F3: variants seen among roughly 807,000 people sequenced by gnomAD.
The protein encoded by F3 is coagulation factor III, tissue factor, also known as tissue factor.
Under a neutral mutation model 33.5 loss-of-function variants are expected in F3, and 18 were observed. The observed-to-expected ratio is 0.54, with a 90% CI of 0.37 to 0.80. The LOEUF (loss-of-function observed/expected upper bound fraction) is 0.80, where lower values mean the gene tolerates loss of function less well. Ranked by LOEUF, F3 falls within the 30% of genes least tolerant of loss-of-function variation. The pLI, the probability that F3 is intolerant of heterozygous loss-of-function variation, is 0.00. For synonymous variants in F3, 147 were observed against 140.7 expected (o/e 1.05, Z -0.32); for missense variants, 353 against 362.1 (o/e 0.97, Z 0.20).
chr1:94,532,177 A>G, intron 5 of F3, 144 bp downstream of exon 5: 6 of 843,440 alleles, frequency 7.1e-6, no homozygotes, highest in Non-Finnish European at 1.1e-5. Context: ...AAACAAACAA[A>G]TAACAACAAA....
intron 3 of F3, among the ~76,000 whole-genome samples, chr1:94,535,183 C>T (rs1363207373): frequency 6.6e-6 from 1 of 152,192 alleles, no homozygotes; most frequent in Admixed American, 6.5e-5. Flanking sequence ...TCACACAACA[C>T]CTTCATTCTA....
chr1:94,541,655 A>G lies in F3; in HGVS notation c.-19T>C. On this transcript the variant is annotated 5_prime_UTR_variant, in exon 1 of 6. Transcript: ENST00000334047. ...TCTCCATGTCTACCAGTTGGCGGCG[A>G]GATCGAGCGGGTTCCGTGGCGCCCG... is the stretch of plus-strand genomic sequence containing the variant. 7.2e-7 allele frequency: 1 copy of G among 1,385,446 alleles called. No homozygotes were observed. 85.8% of individuals were successfully genotyped at this position (1,385,446 alleles called of 1,614,324 possible).
At chr1:94,533,658 C>T (rs1651501147) in intron 3 of F3, among the ~76,000 whole-genome samples, 1 of 152,098 alleles carries the variant, frequency 6.6e-6, no homozygotes, top group Admixed American at 6.5e-5. Context: ...ACCAAGTGTG[C>T]CGCCTCCTAC....
Position 94,529,522 on chromosome 1 carries a change from T to C in F3, c.*938A>G, listed in dbSNP as rs1651350291. ...TATAGTAGTCTTATAAAAATATAGT[T>C]AGCTCTCAAATGTTTAATGCCACTT... is the stretch of plus-strand genomic sequence containing the variant. On this transcript the variant is annotated 3_prime_UTR_variant, in exon 6 of 6. Transcript: ENST00000334047. 1 of 152,566 alleles carries C rather than the reference T, an allele frequency of 6.6e-6. No homozygotes were observed. The highest frequency in any genetic ancestry group is 6.6e-5 in the Admixed American group (1 of 15,264). 9.5% of individuals were successfully genotyped at this position (152,566 alleles called of 1,614,324 possible).
chr1:94,532,970 A>G, intron 4 of F3, 120 bp downstream of exon 4: 1 of 1,014,244 alleles, frequency 9.9e-7, no homozygotes, highest in Non-Finnish European at 1.4e-6. Context: ...TCCCCCTTCT[A>G]CTCCATCACC....
chr1:94,531,119 G>A (rs981821296), intron 5 of F3, among the ~76,000 whole-genome samples: 9 of 152,144 alleles, frequency 5.9e-5, no homozygotes, highest in African/African-American at 2.2e-4. Context: ...ATTAGAGCTA[G>A]GCTTTAGGAC....
In F3 at chr1:94,541,676, G is replaced by A. The variant is rs773814862; in HGVS notation, c.-40C>T. ...GGCGAGATCGAGCGGGTTCCGTGGC[G>A]CCCGTGGGGCTGGGGAGGTTGGGCT... On this transcript the variant is annotated 5_prime_UTR_variant, in exon 1 of 6. Transcript: ENST00000334047. 1.2e-5 allele frequency: 16 copies of A among 1,314,834 alleles called. No homozygotes were observed. Among genetic ancestry groups the A allele is most frequent in the Non-Finnish European group, 1.6e-5 (16 of 1,007,708 alleles). 81.4% of individuals were successfully genotyped at this position (1,314,834 alleles called of 1,614,324 possible).
chr1:94,532,875 G>A (rs1651471150), intron 4 of F3: 3 of 581,530 alleles, frequency 5.2e-6, no homozygotes, highest in East Asian at 3.1e-5. Context: ...CTGGGTCTCC[G>A]AGGGGGCCCT....
intron 3 of F3, among the ~76,000 whole-genome samples, chr1:94,534,537 G>C (rs1030794283): frequency 2.6e-5 from 4 of 152,176 alleles, no homozygotes; most frequent in Admixed American, 6.5e-5. Flanking sequence ...CATATTTCAA[G>C]TGGTCAACAG....
chr1:94,541,687 T>C lies in F3; in HGVS notation c.-51A>G, dbSNP rs760014289. On this transcript the variant is annotated 5_prime_UTR_variant, in exon 1 of 6. Transcript: ENST00000334047. ...GCGGGTTCCGTGGCGCCCGTGGGGC[T>C]GGGGAGGTTGGGCTGAAGGCGCCCT... The C allele has an allele frequency of 3.2e-6, 4 of 1,252,650 alleles. No individual in the cohort carries two copies. In the Admixed American group the frequency reaches 1.5e-4, roughly 48 times the overall value. The allele number at this position is 1,252,650 out of a possible 1,614,324, so 77.6% of individuals were successfully genotyped here.
At chr1:94,533,291 G>A (rs1271860843) in intron 3 of F3, 23 bp from the exon 4 acceptor site, 1 of 1,596,430 alleles carries the variant, frequency 6.3e-7, no homozygotes, top group African/African-American at 1.4e-5. Flanking sequence ...AAATGAGCTT[G>A]GTTGGAACCA....
chr1:94,533,417 T>C lies in F3; in HGVS notation c.413-149A>G, dbSNP rs1651494698. On this transcript the variant is annotated intron_variant, in intron 3 of 5. Coordinates refer to ENST00000334047, the MANE Select transcript of F3 (RefSeq NM_001993.5). ...CCTGAAAGAAGCAGGCGTGGCGGCC[T>C]GGAGCTGAATCCTAAGACATTCTGT... 3.4e-6 allele frequency: 3 copies of C among 875,498 alleles called. No individual in the cohort carries two copies. The South Asian group carries it at 5.2e-5, about 15-fold the overall frequency. The allele number at this position is 875,498 out of a possible 1,614,324, so 54.2% of individuals were successfully genotyped here.
In F3 at chr1:94,541,670, C is replaced by T; in HGVS notation, c.-34G>A. The T allele has an allele frequency of 7.5e-7, 1 of 1,330,518 alleles. No homozygotes were observed. Among genetic ancestry groups the T allele is most frequent in the East Asian group, 2.9e-5 (1 of 34,354 alleles). The allele number at this position is 1,330,518 out of a possible 1,614,324, so 82.4% of individuals were successfully genotyped here. On this transcript the variant is annotated 5_prime_UTR_variant, in exon 1 of 6. Coordinates refer to ENST00000334047, the MANE Select transcript of F3 (RefSeq NM_001993.5). ...GTTGGCGGCGAGATCGAGCGGGTTC[C>T]GTGGCGCCCGTGGGGCTGGGGAGGT...
At position 94,538,282 on chromosome 1, in the gene F3, A is replaced by G. The variant is rs533300630; in HGVS notation, c.212+1975T>C. On this transcript the variant is annotated intron_variant, in intron 2 of 5. Transcript: ENST00000334047. ...TTCAGAACATTTCCATGGAATGAATATCACCGGTGACGGTTTGTGCTAAGG... is the reference window on the plus strand; with the variant it reads ...TTCAGAACATTTCCATGGAATGAATGTCACCGGTGACGGTTTGTGCTAAGG... Among the ~76,000 whole-genome samples, 21 of 152,388 alleles carry G rather than the reference A, an allele frequency of 1.4e-4. No individual in the cohort carries two copies. In the South Asian group the frequency reaches 4.3e-3, roughly 32 times the overall value.
chr1:94,536,244 G>A (rs1570864878), intron 2 of F3, 80 bp from the exon 3 acceptor site: 1 of 1,263,304 alleles, frequency 7.9e-7, no homozygotes. Context: ...TCCTGGCTGT[G>A]GTGTTCTGTG....
At chr1:94,541,360 G>T (rs1254016952) in intron 1 of F3, among the ~76,000 whole-genome samples, 177 bp downstream of exon 1, 2 of 152,154 alleles carry the variant, frequency 1.3e-5, no homozygotes, top group Non-Finnish European at 2.9e-5. Flanking sequence ...AACTCCCGCC[G>T]GCGCCCGACG....
chr1:94,535,231 C>T (rs555354131), intron 3 of F3, among the ~76,000 whole-genome samples: 3 of 152,352 alleles, frequency 2.0e-5, no homozygotes, highest in Admixed American at 6.5e-5. Context: ...TTTCACTCTA[C>T]TCAATGTGCT....
At chr1:94,540,582 C>T in intron 1 of F3, 1 of 496,198 alleles carries the variant, frequency 2.0e-6, no homozygotes, top group Non-Finnish European at 3.6e-6. Context: ...CTTGTAATCC[C>T]AGGACACCGG....
intron 3 of F3, among the ~76,000 whole-genome samples, chr1:94,533,704 T>TTCC (rs750476033): frequency 2.0e-5 from 3 of 151,498 alleles, no homozygotes; most frequent in Admixed American, 6.6e-5. Flanking sequence ...GCCCCTGCTC[T>TTCC]TCCTCCTCCT....
Sources: gnomAD v4.1 joint callset for allele counts (sites outside exome capture counted in the v4.1 genomes callset) on GRCh38, gnomAD v4.1.1 for gene constraint, MANE v1.5 for transcripts, NCBI Gene and HGNC (gene_info 2026-07-23, HGNC 2026-07-21) for gene names.